The following TMIGD1 variants were observed in gnomAD, a reference collection of about 807,000 sequenced individuals.
The protein encoded by TMIGD1 is transmembrane and immunoglobulin domain containing 1, also known as transmembrane and immunoglobulin domain-containing protein 1.
In TMIGD1, 29 loss-of-function variants were observed where a neutral mutation model predicts 27.5. The observed-to-expected ratio is 1.05, with a 90% CI of 0.78 to 1.44. The LOEUF (loss-of-function observed/expected upper bound fraction) is 1.44, where lower values mean the gene tolerates loss of function less well. Among genes scored for constraint, TMIGD1 ranks in the 40% most tolerant of loss-of-function variants. The pLI is 0.00. For synonymous variants in TMIGD1, 109 were observed against 110.3 expected, an observed-to-expected ratio of 0.99 and a Z score of 0.07; for missense variants, 334 against 310.6, an observed-to-expected ratio of 1.08 and a Z score of -0.57.
intron 3 of TMIGD1, 108 bp from the exon 4 acceptor site, chr17:30,325,202 A>C: frequency 8.1e-7 from 1 of 1,232,208 alleles, no homozygotes; most frequent in Non-Finnish European, 1.1e-6. Context: ...TTCATTTGAC[A>C]AAAATTTATT....
rs868022107 is a variant in TMIGD1, at chr17:30,319,259, A to T, written c.641-346T>A. On this transcript the variant is annotated intron_variant, in intron 4 of 6. Transcript: ENST00000328886. ...TCTGTAAAAAAAAAAGAAAAAAAAAAAAATATATATATATATATAGCTGGG... is the reference window on the plus strand; with the variant it reads ...TCTGTAAAAAAAAAAGAAAAAAAAATAAATATATATATATATATAGCTGGG... Among the ~76,000 whole-genome samples, 72 of 52,276 alleles carry T rather than the reference A, an allele frequency of 1.4e-3. 1 individual carries two copies. Among genetic ancestry groups the T allele is most frequent in the South Asian group, 2.9e-3 (6 of 2,078 alleles). 34.3% of individuals were successfully genotyped at this position (52,276 alleles called of 152,430 possible).
At position 30,331,938 on chromosome 17, in the gene TMIGD1, C is replaced by A. The variant is rs1909991618; in HGVS notation, c.82+114G>T. The A allele has an allele frequency of 7.2e-6, 5 of 691,990 alleles. No homozygotes were observed. In the South Asian group the frequency reaches 7.3e-5, roughly 10 times the overall value. The allele number at this position is 691,990 out of a possible 1,614,324, so 42.9% of individuals were successfully genotyped here. The stretch of plus-strand genomic sequence containing the variant: ...ACTCCTGTACTGTGAGCCATGCTAA[C>A]TGTGTAGTCATTCCAATTTGGAATT... On this transcript the variant is annotated intron_variant, in intron 2 of 6. Transcript: ENST00000328886.
At chr17:30,329,148 A>T in intron 3 of TMIGD1, 103 bp downstream of exon 3, 1 of 1,408,634 alleles carries the variant, frequency 7.1e-7, no homozygotes, top group Non-Finnish European at 9.7e-7. Context: ...TGGTAGGAGC[A>T]TAAATTGGGC....
At chr17:30,329,187 A>G in intron 3 of TMIGD1, 64 bp downstream of exon 3, 2 of 1,565,512 alleles carry the variant, frequency 1.3e-6, no homozygotes, top group Non-Finnish European at 1.7e-6. Flanking sequence ...CCTAGATTTC[A>G]ACTACCACTT....
chr17:30,322,726 C>T (rs113761019), intron 4 of TMIGD1, among the ~76,000 whole-genome samples: 7,072 of 152,172 alleles, frequency 0.046, 218 homozygotes, highest in Middle Eastern at 0.068. Flanking sequence ...GGTCTCAAAC[C>T]GCTGACCTCC....
chr17:30,320,796 A>G (rs1202693959), intron 4 of TMIGD1, among the ~76,000 whole-genome samples: 3 of 152,188 alleles, frequency 2.0e-5, no homozygotes, highest in Non-Finnish European at 2.9e-5. Flanking sequence ...GTTCAGGGCT[A>G]TAGCACCCTA....
intron 1 of TMIGD1, among the ~76,000 whole-genome samples, chr17:30,333,694 G>C (rs895847936): frequency 4.6e-5 from 7 of 152,184 alleles, no homozygotes; most frequent in African/African-American, 1.7e-4. Flanking sequence ...TACTAATATT[G>C]ATTCTTTTGT....
intron 4 of TMIGD1, among the ~76,000 whole-genome samples, chr17:30,323,621 T>A (rs1431637395): frequency 6.6e-6 from 1 of 152,216 alleles, no homozygotes; most frequent in African/African-American, 2.4e-5. Context: ...TACTTTTTTT[T>A]AATGTGACAC....
intron 2 of TMIGD1, among the ~76,000 whole-genome samples, chr17:30,331,536 C>T (rs1244635236): frequency 6.6e-6 from 1 of 151,144 alleles, no homozygotes; most frequent in Non-Finnish European, 1.5e-5. Context: ...GAATACTTCA[C>T]CTTGTCTTGT....
At chr17:30,324,378 C>A (rs935811930) in intron 4 of TMIGD1, among the ~76,000 whole-genome samples, 8 of 152,120 alleles carry the variant, frequency 5.3e-5, no homozygotes, top group Non-Finnish European at 8.8e-5. Flanking sequence ...GCTGATTACC[C>A]TACAGGTTAG....
intron 4 of TMIGD1, among the ~76,000 whole-genome samples, chr17:30,324,381 C>T (rs1909709227): frequency 1.3e-5 from 2 of 152,164 alleles, no homozygotes; most frequent in Admixed American, 6.5e-5. Flanking sequence ...GATTACCCTA[C>T]AGGTTAGAAT....
In TMIGD1 at chr17:30,329,231, T is replaced by C. The variant is rs903812312; in HGVS notation, c.361+20A>G. The C allele has an allele frequency of 1.9e-6, 3 of 1,608,642 alleles. No individual in the cohort carries two copies. Among genetic ancestry groups the C allele is most frequent in the African/African-American group, 1.3e-5 (1 of 74,902 alleles). ...ACAGACATTACAGACCCACTAGCTG[T>C]TTCTTTTCCCCTCACTCACAAGTAA... is the stretch of plus-strand genomic sequence containing the variant. On this transcript the variant is annotated intron_variant, in intron 3 of 6. Transcript: ENST00000328886.
chr17:30,317,265 C>A, intron 5 of TMIGD1, 32 bp from the exon 6 acceptor site: 2 of 1,613,336 alleles, frequency 1.2e-6, no homozygotes, highest in Non-Finnish European at 1.7e-6. Context: ...AATTAGCCTG[C>A]TTTTTAAGGC....
chr17:30,327,448 T>G (rs1463182134), intron 3 of TMIGD1, among the ~76,000 whole-genome samples: 2 of 152,096 alleles, frequency 1.3e-5, no homozygotes, highest in Non-Finnish European at 2.9e-5. Flanking sequence ...GAATAAGCAC[T>G]TAAGCACTAG....
intron 1 of TMIGD1, among the ~76,000 whole-genome samples, chr17:30,333,022 A>T (rs1910030447): frequency 1.3e-5 from 2 of 152,120 alleles, no homozygotes; most frequent in Non-Finnish European, 2.9e-5. Flanking sequence ...CAGACAGTAA[A>T]TGTCAAGGTC....
intron 4 of TMIGD1, among the ~76,000 whole-genome samples, chr17:30,324,221 C>T (rs1909701476): frequency 6.6e-6 from 1 of 152,138 alleles, no homozygotes; most frequent in South Asian, 2.1e-4. Flanking sequence ...TTGCCTTTCT[C>T]TTTTTGTATG....
At chr17:30,322,051 A>G (rs950145211) in intron 4 of TMIGD1, among the ~76,000 whole-genome samples, 2 of 151,094 alleles carry the variant, frequency 1.3e-5, no homozygotes, top group African/African-American at 4.9e-5. Context: ...CTGTTTTGGA[A>G]CTCCTGGGCT....
Position 30,331,142 on chromosome 17 carries a change from C to A in TMIGD1, c.82+910G>T, listed in dbSNP as rs150514906. Reference sequence around the variant, plus strand: ...CCTGGGAGATGAAGGTTGCAGTGAGCCAAGATCACACCACTGCACTCCAGC... The same window carrying A: ...CCTGGGAGATGAAGGTTGCAGTGAGACAAGATCACACCACTGCACTCCAGC... On this transcript the variant is annotated intron_variant, in intron 2 of 6. Coordinates refer to ENST00000328886, the MANE Select transcript of TMIGD1 (RefSeq NM_206832.3). Among the ~76,000 whole-genome samples, 177 of 152,146 alleles carry A rather than the reference C, an allele frequency of 1.2e-3. 2 individuals are homozygous for A. Among genetic ancestry groups the A allele is most frequent in the Non-Finnish European group, 1.6e-3 (108 of 67,990 alleles).
At chr17:30,331,923 T>A (rs1012236099) in intron 2 of TMIGD1, 129 bp downstream of exon 2, 2 of 660,250 alleles carry the variant, frequency 3.0e-6, no homozygotes, top group African/African-American at 3.7e-5. Context: ...ACTCCTGTAC[T>A]GTGAGCCATG....
Sources: gnomAD v4.1 joint callset for allele counts (sites outside exome capture counted in the v4.1 genomes callset) on GRCh38, gnomAD v4.1.1 for gene constraint, MANE v1.5 for transcripts, NCBI Gene and HGNC (gene_info 2026-07-23, HGNC 2026-07-21) for gene names.